Variants in UNC5B observed in about 807,000 individuals in gnomAD.
UNC5B encodes the protein unc-5 netrin receptor B, also known as netrin receptor UNC5B.
UNC5B carries 56 observed loss-of-function variants against 103.7 expected under a neutral mutation model. The ratio of observed to expected loss-of-function variants is 0.54; its 90% CI spans 0.44 to 0.67. The LOEUF (loss-of-function observed/expected upper bound fraction) is 0.67, where lower values mean the gene tolerates loss of function less well. Ranked by LOEUF, UNC5B falls within the 30% of genes least tolerant of loss-of-function variation. The probability of loss-of-function intolerance (pLI) is 0.00; values close to 1 mark genes in which losing one functional copy is unlikely to be tolerated. For missense variants in UNC5B, 1,194 were observed against 1,284.5 expected (o/e 0.93, Z 1.08); for synonymous variants, 577 against 542.0 (o/e 1.06, Z -0.90).
At position 71,299,209 on chromosome 10, in the gene UNC5B, G is replaced by A; in HGVS notation, c.2770G>A (p.Ala924Thr). The A allele has an allele frequency of 1.9e-6, 3 of 1,614,252 alleles. No individual in the cohort carries two copies. The East Asian group carries it at 6.7e-5, about 36-fold the overall frequency. ...GGACGATGGGGACCTCAACAGCCTG[G>A]CGAGTGCCTTGGAGGAGATGGGCAA... ...QQDDGDLNSL[A>T]SALEEMGKSE... Residue 924 changes from alanine to threonine, a missense_variant, in exon 17 of 17, where the codon GCG becomes ACG. Ala to Thr is a moderately conservative substitution (Grantham distance 58, BLOSUM62 0). Transcript: ENST00000335350.
chr10:71,284,877 AC>A lies in UNC5B; in HGVS notation c.448+19del. 1 of 1,578,556 alleles carries A rather than the reference AC, an allele frequency of 6.3e-7. No homozygotes were observed. Among genetic ancestry groups the A allele is most frequent in the Non-Finnish European group, 8.6e-7 (1 of 1,163,168 alleles). Reference sequence around the variant, plus strand: ...TCCGCATCGCCTGTACGCCACCCTGACCCCCACCCTGTCCCTGCAGGAACCT... The same window carrying A: ...TCCGCATCGCCTGTACGCCACCCTGACCCCACCCTGTCCCTGCAGGAACCT... On this transcript the variant is annotated intron_variant, in intron 3 of 16. Transcript: ENST00000335350.
rs1844873749 is a variant in UNC5B, at chr10:71,279,873, A to C, written c.132A>C (p.Ala44=). The part of the protein sequence containing the change: ...VLPDSFPSAP[A]EPLPYFLQEP... ...CTGACTCCTTCCCGTCAGCGCCAGC[A>C]GAGCCGCTGCCCTACTTCCTGCAGG... Residue 44 remains alanine, a synonymous_variant, in exon 2 of 17, where the codon GCA becomes GCC. Transcript: ENST00000335350. 6.2e-7 allele frequency: 1 copy of C among 1,613,842 alleles called. No individual in the cohort carries two copies. Among genetic ancestry groups the C allele is most frequent in the South Asian group, 1.1e-5 (1 of 91,080 alleles).
rs1295263377 is a variant in UNC5B at position 71,254,166 on chromosome 10, AT to A, written c.80-25654del. On this transcript the variant is annotated intron_variant, in intron 1 of 16. Coordinates refer to ENST00000335350, the MANE Select transcript of UNC5B (RefSeq NM_170744.5). ...CTATAGCAGGTGGTTATGCAAAGTA[AT>A]GTAAATTATATGCAAATGTCTGTGG... 2.0e-5 allele frequency among the ~76,000 whole-genome samples: 3 copies of A among 152,346 alleles called. No individual in the cohort carries two copies. The East Asian group carries it at 5.8e-4, about 29-fold the overall frequency.
At position 71,297,999 on chromosome 10, in the gene UNC5B, T is replaced by C. The variant is rs1845486724; in HGVS notation, c.2581T>C (p.Ser861Pro). Residue 861 changes from serine (S) to proline (P), a missense_variant, in exon 16 of 17, where the codon TCC becomes CCC. Coordinates refer to ENST00000335350, the MANE Select transcript of UNC5B (RefSeq NM_170744.5). ...ACCTTATGCCTTCAAGATCCCACTG[T>C]CCATCCGCCAGAAGATATGCAACAG... The part of the protein sequence containing the change: ...LGPYAFKIPL[S>P]IRQKICNSLD... The C allele has an allele frequency of 6.2e-7, 1 of 1,613,896 alleles. No individual in the cohort carries two copies. The highest frequency in any genetic ancestry group is 1.3e-5 in the African/African-American group (1 of 74,922).
intron 1 of UNC5B, among the ~76,000 whole-genome samples, chr10:71,255,823 C>T (rs1327692200): frequency 6.6e-6 from 1 of 152,218 alleles, no homozygotes; most frequent in African/African-American, 2.4e-5. Flanking sequence ...CAGCAGCTTG[C>T]ATCCGAAGCC....
intron 1 of UNC5B, among the ~76,000 whole-genome samples, chr10:71,228,598 G>A (rs1046290949): frequency 3.3e-5 from 5 of 152,180 alleles, no homozygotes; most frequent in African/African-American, 1.2e-4. Flanking sequence ...ATAGAACAAT[G>A]ACCCTCGAAC....
intron 1 of UNC5B, among the ~76,000 whole-genome samples, chr10:71,238,318 A>G (rs1843818411): frequency 6.6e-6 from 1 of 152,090 alleles, no homozygotes; most frequent in South Asian, 2.1e-4. Flanking sequence ...CCCAGGGCCC[A>G]CTTCTCCAGA....
At chr10:71,286,642 C>T in intron 4 of UNC5B, 47 bp from the exon 5 acceptor site, 4 of 1,606,062 alleles carry the variant, frequency 2.5e-6, no homozygotes, top group Non-Finnish European at 3.4e-6. Context: ...TGTTTATGAT[C>T]AAACCTGTCC....
chr10:71,215,451 C>T lies in UNC5B; in HGVS notation c.79+2387C>T, dbSNP rs577357675. On this transcript the variant is annotated intron_variant, in intron 1 of 16. Coordinates refer to ENST00000335350, the MANE Select transcript of UNC5B (RefSeq NM_170744.5). ...CTCCCCTCAAGTGGCAGGCACCTCT[C>T]TCTCCTTTTCCCCACCCCACCCCAT... is the stretch of plus-strand genomic sequence containing the variant. Among the ~76,000 whole-genome samples, 8 of 152,314 alleles carry T rather than the reference C, an allele frequency of 5.3e-5. No individual in the cohort carries two copies. In the South Asian group the frequency reaches 1.7e-3, roughly 32 times the overall value.
intron 1 of UNC5B, among the ~76,000 whole-genome samples, chr10:71,260,897 C>CG (rs1844403094): frequency 6.6e-6 from 1 of 152,232 alleles, no homozygotes; most frequent in African/African-American, 2.4e-5. Context: ...GGGAGCCCTG[C>CG]GGAGAGGTTG....
chr10:71,245,303 A>G (rs948729609), intron 1 of UNC5B, among the ~76,000 whole-genome samples: 1 of 152,206 alleles, frequency 6.6e-6, no homozygotes, highest in Non-Finnish European at 1.5e-5. Context: ...CCCAGACCAC[A>G]ATCAGTCTGC....
At chr10:71,260,577 G>A (rs558942941) in intron 1 of UNC5B, among the ~76,000 whole-genome samples, 1 of 152,190 alleles carries the variant, frequency 6.6e-6, no homozygotes, top group East Asian at 1.9e-4. Flanking sequence ...GGGGGAGGCT[G>A]GGGGGCATCA....
intron 1 of UNC5B, among the ~76,000 whole-genome samples, chr10:71,257,568 G>A (rs1844319960): frequency 6.6e-6 from 1 of 152,176 alleles, no homozygotes; most frequent in Admixed American, 6.5e-5. Context: ...TGCATGCCAA[G>A]CCCACACAGC....
intron 4 of UNC5B, among the ~76,000 whole-genome samples, chr10:71,285,781 G>A (rs2132304462): frequency 6.6e-6 from 1 of 152,084 alleles, no homozygotes; most frequent in South Asian, 2.1e-4. Flanking sequence ...CCCATCATGC[G>A]TGTGTGTGAG....
At chr10:71,298,360 A>C (rs933554367) in intron 16 of UNC5B, among the ~76,000 whole-genome samples, 1 of 152,122 alleles carries the variant, frequency 6.6e-6, no homozygotes. Context: ...ATAATGCTCC[A>C]CCTGCCCATC....
At chr10:71,263,628 C>T (rs978958427) in intron 1 of UNC5B, among the ~76,000 whole-genome samples, 3 of 152,184 alleles carry the variant, frequency 2.0e-5, no homozygotes, top group African/African-American at 7.2e-5. Flanking sequence ...GCAGTGACAG[C>T]GGCTGGGAAA....
intron 8 of UNC5B, 63 bp downstream of exon 8, chr10:71,289,053 T>G: frequency 6.2e-7 from 1 of 1,611,562 alleles, no homozygotes; most frequent in East Asian, 2.2e-5. Flanking sequence ...TTTGGCTGGC[T>G]TTTCCCGGGA....
intron 1 of UNC5B, among the ~76,000 whole-genome samples, chr10:71,250,076 C>T (rs1844138435): frequency 6.6e-6 from 1 of 152,250 alleles, no homozygotes; most frequent in Non-Finnish European, 1.5e-5. Flanking sequence ...CATCTCACCA[C>T]TCTTGAGCAG....
intron 1 of UNC5B, among the ~76,000 whole-genome samples, chr10:71,249,143 T>C (rs554316604): frequency 4.6e-5 from 7 of 152,270 alleles, no homozygotes; most frequent in African/African-American, 1.7e-4. Context: ...CACCCCAGGG[T>C]TGAACGCACT....
Sources: allele counts gnomAD v4.1 joint callset (sites outside exome capture counted in the v4.1 genomes callset), GRCh38; gene constraint gnomAD v4.1.1; transcripts MANE v1.5; gene names NCBI Gene and HGNC (gene_info 2026-07-23, HGNC 2026-07-21).